Variants in VTI1B observed in about 807,000 individuals in gnomAD.
VTI1B encodes vesicle transport through interaction with t-SNAREs homolog 1B.
Under a neutral mutation model 28.6 loss-of-function variants are expected in VTI1B, and 18 were observed. That is an observed-to-expected ratio of 0.63 (90% confidence interval 0.43 to 0.93). VTI1B has a LOEUF of 0.93. Ranked by LOEUF, VTI1B falls within the 40% of genes least tolerant of loss-of-function variation. The probability of loss-of-function intolerance (pLI) is 0.00; values close to 1 mark genes in which losing one functional copy is unlikely to be tolerated. For missense variants in VTI1B, 283 were observed against 297.0 expected (o/e 0.95, Z 0.35); for synonymous variants, 100 against 107.9 (o/e 0.93, Z 0.46).
In VTI1B at chr14:67,648,020, G is replaced by A. The variant is rs777301964; in HGVS notation, c.*3365C>T. The A allele has an allele frequency of 5.2e-5, 81 of 1,567,724 alleles. 1 individual carries two copies. In the Admixed American group the frequency reaches 1.0e-3, roughly 20 times the overall value. ...GACAACCAGTTAAGTATTATTTTAA[G>A]TATTATTTTATCCTCTTCCTTTTTA... On this transcript the variant is annotated 3_prime_UTR_variant, in exon 6 of 6. Coordinates refer to ENST00000554659, the MANE Select transcript of VTI1B (RefSeq NM_006370.3).
At chr14:67,659,647 A>G in intron 3 of VTI1B, 84 bp downstream of exon 3, 1 of 1,386,598 alleles carries the variant, frequency 7.2e-7, no homozygotes, top group Non-Finnish European at 9.7e-7. Flanking sequence ...CACTGATAAC[A>G]TGAAATACCC....
rs745541391 is a variant in VTI1B, at chr14:67,650,670, T to G, written c.*715A>C. On this transcript the variant is annotated 3_prime_UTR_variant, in exon 6 of 6. Coordinates refer to ENST00000554659, the MANE Select transcript of VTI1B (RefSeq NM_006370.3). Reference sequence around the variant, plus strand: ...CCAGTGGGATGACCCTCACTGAGAGTAGCAGCAAGGGAACCTGAGGTTTTG... The same window carrying G: ...CCAGTGGGATGACCCTCACTGAGAGGAGCAGCAAGGGAACCTGAGGTTTTG... 2 of 1,575,872 alleles carry G rather than the reference T, an allele frequency of 1.3e-6. No individual in the cohort carries two copies. The highest frequency in any genetic ancestry group is 4.5e-5 in the East Asian group (2 of 44,672).
In VTI1B at chr14:67,659,779, G is replaced by C; in HGVS notation, c.318C>G (p.Gly106=). Reference sequence around the variant, plus strand: ...ATATGCCATATTTCATGTCTCCTCGGCCTCCAGGTGTGGCTGTCAAAGGTG... The same window carrying C: ...ATATGCCATATTTCATGTCTCCTCGCCCTCCAGGTGTGGCTGTCAAAGGTG... ...RSTPLTATPG[G]RGDMKYGIYA... is the part of the protein sequence containing the mutation. The change falls in exon 3 of 6, where the codon GGC becomes GGG. Residue 106 remains glycine, a synonymous_variant. Coordinates refer to ENST00000554659, the MANE Select transcript of VTI1B (RefSeq NM_006370.3). The C allele has an allele frequency of 6.2e-7, 1 of 1,613,902 alleles. No homozygotes were observed. Among genetic ancestry groups the C allele is most frequent in the South Asian group, 1.1e-5 (1 of 91,050 alleles).
chr14:67,656,159 T>A (rs2037253348), intron 4 of VTI1B, among the ~76,000 whole-genome samples: 2 of 151,100 alleles, frequency 1.3e-5, no homozygotes, highest in South Asian at 4.2e-4. Flanking sequence ...GGCAAGAGAA[T>A]CGCTTGAACC....
chr14:67,656,603 G>T lies in VTI1B; in HGVS notation c.367-14C>A, dbSNP rs2140811730. 6.3e-7 allele frequency: 1 copy of T among 1,589,448 alleles called. No individual in the cohort carries two copies. Among genetic ancestry groups the T allele is most frequent in the East Asian group, 2.2e-5 (1 of 44,534 alleles). On this transcript the variant is annotated splice_polypyrimidine_tract_variant and intron_variant, in intron 3 of 5. Transcript: ENST00000554659. ...CTGTAGCCGATTCTGAAAGAAGTAT[G>T]GAAGAGAAATGTTAGACTTTTTCCA...
At chr14:67,670,006 G>A (rs1292051716) in intron 1 of VTI1B, among the ~76,000 whole-genome samples, 2 of 152,142 alleles carry the variant, frequency 1.3e-5, no homozygotes, top group Non-Finnish European at 2.9e-5. Context: ...GAGGTGGGAG[G>A]ATCACCTGAG....
chr14:67,661,070 G>C (rs1007138619), intron 2 of VTI1B, among the ~76,000 whole-genome samples: 2 of 152,018 alleles, frequency 1.3e-5, no homozygotes, highest in African/African-American at 4.8e-5. Context: ...GTGGGAAATT[G>C]AAACACTGAT....
chr14:67,655,565 G>T (rs1395910528), intron 4 of VTI1B, among the ~76,000 whole-genome samples: 2 of 151,366 alleles, frequency 1.3e-5, no homozygotes, highest in Admixed American at 6.6e-5. Context: ...ACAGTAAAGG[G>T]TTATAGTCCA....
At position 67,649,484 on chromosome 14, in the gene VTI1B, G is replaced by A. The variant is rs2037144475; in HGVS notation, c.*1901C>T. 1.3e-5 allele frequency: 2 copies of A among 152,042 alleles called. No homozygotes were observed. Among genetic ancestry groups the A allele is most frequent in the Non-Finnish European group, 2.9e-5 (2 of 68,026 alleles). 9.4% of individuals were successfully genotyped at this position (152,042 alleles called of 1,614,324 possible). A position where few individuals can be genotyped will look rare whatever the true frequency, so the allele number is the denominator to read the frequency against. On this transcript the variant is annotated 3_prime_UTR_variant, in exon 6 of 6. Transcript: ENST00000554659. ...TAAAGCAGTTTGCTTAATTTATAGG[G>A]TGGCAATAGTCTGGAAACATAAGTC... is the stretch of plus-strand genomic sequence containing the variant.
At chr14:67,658,423 T>C (rs1315323086) in intron 3 of VTI1B, among the ~76,000 whole-genome samples, 1 of 151,786 alleles carries the variant, frequency 6.6e-6, no homozygotes, top group African/African-American at 2.4e-5. Flanking sequence ...TGAAACCCCG[T>C]CTCTACTAAA....
intron 3 of VTI1B, among the ~76,000 whole-genome samples, chr14:67,657,598 G>GCACACACGCACACA (rs2037276238): frequency 2.7e-5 from 3 of 112,372 alleles, no homozygotes; most frequent in Non-Finnish European, 5.7e-5. Context: ...GCGCGCGCGT[G>GCACACACGCACACA]CACACACACA....
chr14:67,653,635 C>A, intron 4 of VTI1B, 137 bp from the exon 5 acceptor site: 1 of 698,990 alleles, frequency 1.4e-6, no homozygotes, highest in African/African-American at 1.8e-5. Flanking sequence ...AAATGATGGC[C>A]TTTGAGTGTA....
In VTI1B at chr14:67,648,451, C is replaced by T. The variant is rs1483398249; in HGVS notation, c.*2934G>A. On this transcript the variant is annotated 3_prime_UTR_variant, in exon 6 of 6. Coordinates refer to ENST00000554659, the MANE Select transcript of VTI1B (RefSeq NM_006370.3). ...ACAATTAAATACAAGAATAAATTGT[C>T]AAACTGATGCAGTTCTTTGAGTTAT... The T allele has an allele frequency of 3.6e-6, 1 of 276,212 alleles. No homozygotes were observed. Among genetic ancestry groups the T allele is most frequent in the African/African-American group, 2.2e-5 (1 of 45,618 alleles). 17.1% of individuals were successfully genotyped at this position (276,212 alleles called of 1,614,324 possible).
rs373382586 is a variant in VTI1B, at chr14:67,666,861, G to A, written c.116-4326C>T. 2.6e-5 allele frequency among the ~76,000 whole-genome samples: 4 copies of A among 152,082 alleles called. No homozygotes were observed. The East Asian group carries it at 5.8e-4, about 22-fold the overall frequency. On this transcript the variant is annotated intron_variant, in intron 1 of 5. Transcript: ENST00000554659. ...CAACTGTATACTGTATACAACTGAG[G>A]GGCATTTTTGTGCTCCCAGAGTATA...
At chr14:67,666,043 G>T (rs965955477) in intron 1 of VTI1B, among the ~76,000 whole-genome samples, 2 of 152,148 alleles carry the variant, frequency 1.3e-5, no homozygotes, top group Non-Finnish European at 2.9e-5. Flanking sequence ...GTATTATTTT[G>T]TAATAAGCTG....
chr14:67,655,156 A>AT (rs1190030085), intron 4 of VTI1B, among the ~76,000 whole-genome samples: 1 of 152,108 alleles, frequency 6.6e-6, no homozygotes, highest in Non-Finnish European at 1.5e-5. Context: ...CTTTGGCAAC[A>AT]TAATGAGACC....
At chr14:67,660,416 A>G (rs2037321051) in intron 2 of VTI1B, among the ~76,000 whole-genome samples, 1 of 152,194 alleles carries the variant, frequency 6.6e-6, no homozygotes, top group Non-Finnish European at 1.5e-5. Flanking sequence ...ATATATATAT[A>G]AAAAATTAAA....
chr14:67,656,454 C>T lies in VTI1B; in HGVS notation c.502G>A (p.Gly168Arg). 3 of 1,613,628 alleles carry T rather than the reference C, an allele frequency of 1.9e-6. No individual in the cohort carries two copies. Among genetic ancestry groups the T allele is most frequent in the Non-Finnish European group, 2.5e-6 (3 of 1,179,744 alleles). The stretch of plus-strand genomic sequence containing the variant: ...CGTTCTAACTGGTCTCGTTGTTCCC[C>T]CAGCTCTTCTATGATTTCTGAGCCA... The part of the protein sequence containing the change: ...QIGSEIIEEL[G>R]EQRDQLERTK... The change falls in exon 4 of 6, where the codon GGG (glycine) becomes AGG (arginine). Residue 168 changes from glycine to arginine, a missense_variant. Transcript: ENST00000554659.
chr14:67,666,581 T>C (rs943281669), intron 1 of VTI1B, among the ~76,000 whole-genome samples: 7 of 152,226 alleles, frequency 4.6e-5, no homozygotes, highest in African/African-American at 1.4e-4. Context: ...GACTGATCTC[T>C]ACCCAACTGA....
Sources: gnomAD v4.1 joint callset for allele counts (sites outside exome capture counted in the v4.1 genomes callset) on GRCh38, gnomAD v4.1.1 for gene constraint, MANE v1.5 for transcripts, NCBI Gene and HGNC (gene_info 2026-07-23, HGNC 2026-07-21) for gene names.